The following SLIT3 variants were observed in gnomAD, a reference collection of about 807,000 sequenced individuals.
SLIT3 encodes the protein slit guidance ligand 3.
Under a neutral mutation model 184.0 loss-of-function variants are expected in SLIT3, and 68 were observed. The observed-to-expected ratio is 0.37, with a 90% CI of 0.30 to 0.45. The LOEUF is 0.45. Ranked by LOEUF, SLIT3 falls within the 20% of genes least tolerant of loss-of-function variation. The pLI is 1.00. For synonymous variants in SLIT3, 831 were observed against 828.6 expected (o/e 1.00, Z -0.05); for missense variants, 1,707 against 2,026.0 (o/e 0.84, Z 3.02).
chr5:169,286,241 A>G (rs1767146219), intron 1 of SLIT3, among the ~76,000 whole-genome samples: 1 of 152,116 alleles, frequency 6.6e-6, no homozygotes, highest in East Asian at 1.9e-4. Flanking sequence ...AAGCAAAATT[A>G]TGTCTCTGAA....
chr5:169,012,832 C>T (rs1030280572), intron 4 of SLIT3: 2 of 152,214 alleles, frequency 1.3e-5, no homozygotes, highest in African/African-American at 4.8e-5. Context: ...ATGGACTCTT[C>T]AGTCAGACCT....
chr5:169,290,191 G>A (rs140868355), intron 1 of SLIT3, among the ~76,000 whole-genome samples: 19 of 147,198 alleles, frequency 1.3e-4, no homozygotes, highest in African/African-American at 4.8e-4. Context: ...GCTAGGGTGT[G>A]CACTAGGACA....
At chr5:168,839,278 C>A (rs886880937) in intron 6 of SLIT3, among the ~76,000 whole-genome samples, 1 of 152,060 alleles carries the variant, frequency 6.6e-6, no homozygotes, top group Non-Finnish European at 1.5e-5. Flanking sequence ...TTTACTGTAC[C>A]CAGCGCCCAG....
intron 4 of SLIT3, among the ~76,000 whole-genome samples, chr5:168,999,028 C>G (rs1039598594): frequency 1.3e-5 from 2 of 152,050 alleles, no homozygotes; most frequent in African/African-American, 4.8e-5. Context: ...ATTATCCCAC[C>G]TCAGCCTCCC....
At chr5:169,292,884 G>A (rs1265500052) in intron 1 of SLIT3, among the ~76,000 whole-genome samples, 1 of 152,242 alleles carries the variant, frequency 6.6e-6, no homozygotes, top group Non-Finnish European at 1.5e-5. Context: ...GGGAGATATG[G>A]GGATGTCAGG....
chr5:169,075,891 G>T (rs986071859), intron 4 of SLIT3, among the ~76,000 whole-genome samples: 2 of 152,186 alleles, frequency 1.3e-5, no homozygotes, highest in Non-Finnish European at 2.9e-5. Flanking sequence ...TACCAACCTA[G>T]TTTGTCTCTG....
intron 4 of SLIT3, among the ~76,000 whole-genome samples, chr5:169,161,422 G>C (rs563997448): frequency 2.6e-4 from 40 of 152,232 alleles, no homozygotes; most frequent in African/African-American, 9.6e-4. Flanking sequence ...CTAGACTCCT[G>C]AGGCCCTCCA....
intron 5 of SLIT3, among the ~76,000 whole-genome samples, chr5:168,873,894 C>T (rs987136714): frequency 4.6e-5 from 7 of 152,140 alleles, no homozygotes; most frequent in East Asian, 1.9e-4. Flanking sequence ...AGAACATCAA[C>T]GAATACCAGA....
At chr5:168,687,548 T>G (rs1050110671) in intron 29 of SLIT3, among the ~76,000 whole-genome samples, 44 of 152,314 alleles carry the variant, frequency 2.9e-4, no homozygotes, top group Middle Eastern at 3.4e-3. Context: ...CTGCAGGCAC[T>G]TCCCTGAGGA....
In SLIT3 at chr5:168,742,410, G is replaced by A. The variant is rs2569022; in HGVS notation, c.2270+5892C>T. Among the ~76,000 whole-genome samples, 575 of 146,050 alleles carry A rather than the reference G, an allele frequency of 3.9e-3. 3 individuals carry two copies. The highest frequency in any genetic ancestry group is 5.8e-3 in the Non-Finnish European group (390 of 66,978). On this transcript the variant is annotated intron_variant, in intron 20 of 35. Transcript: ENST00000519560. The stretch of plus-strand genomic sequence containing the variant: ...CCTCTGATGGGAATTGAGGAGTGGG[G>A]TGAAATGGAAGATGCAGAGAGAAAG...
intron 4 of SLIT3, among the ~76,000 whole-genome samples, chr5:168,941,957 A>C (rs1762347125): frequency 6.6e-6 from 1 of 152,222 alleles, no homozygotes; most frequent in Non-Finnish European, 1.5e-5. Flanking sequence ...CATAGCAAGC[A>C]GCCAATTGAG....
At chr5:169,089,106 A>C (rs1021370028) in intron 4 of SLIT3, among the ~76,000 whole-genome samples, 1 of 145,262 alleles carries the variant, frequency 6.9e-6, no homozygotes, top group Non-Finnish European at 1.5e-5. Flanking sequence ...TCTGTGTTTC[A>C]TACCGATGTG....
At chr5:169,002,329 A>AT in intron 4 of SLIT3, among the ~76,000 whole-genome samples, 6 of 125,310 alleles carry the variant, frequency 4.8e-5, no homozygotes, top group African/African-American at 1.8e-4. Context: ...TCTCAAAAAA[A>AT]AAAAAAAAAA....
At chr5:169,086,179 G>T (rs296009) in intron 4 of SLIT3, among the ~76,000 whole-genome samples, 19,255 of 152,234 alleles carry the variant, frequency 0.13, 1,769 homozygotes, top group African/African-American at 0.26. Flanking sequence ...TAAGAGCGTA[G>T]AGGGTTACAT....
chr5:168,694,429 GTCTC>G (rs770239704), intron 28 of SLIT3, among the ~76,000 whole-genome samples: 2 of 152,254 alleles, frequency 1.3e-5, no homozygotes, highest in African/African-American at 4.8e-5. Context: ...AGATTTCTTG[GTCTC>G]TCTAAGTGGC....
rs945006798 is a variant in SLIT3 at position 169,188,722 on chromosome 5, G to A, written c.413+4757C>T. Reference sequence around the variant, plus strand: ...CCATCTTCCATGGAGCATTTACTACGTGCTTTGTTCAATGCCAATTATTTT... The same window carrying A: ...CCATCTTCCATGGAGCATTTACTACATGCTTTGTTCAATGCCAATTATTTT... On this transcript the variant is annotated intron_variant, in intron 4 of 35. Transcript: ENST00000519560. Among the ~76,000 whole-genome samples the A allele has an allele frequency of 2.6e-5, 4 of 152,146 alleles. No individual in the cohort carries two copies. In the East Asian group the frequency reaches 5.8e-4, roughly 22 times the overall value.
chr5:168,991,217 T>C (rs997059021), intron 4 of SLIT3, among the ~76,000 whole-genome samples: 4 of 152,200 alleles, frequency 2.6e-5, no homozygotes, highest in Non-Finnish European at 5.9e-5. Context: ...CTGGGGGGTT[T>C]CATAAAGATT....
intron 4 of SLIT3, among the ~76,000 whole-genome samples, chr5:168,928,591 G>A (rs1456738226): frequency 6.6e-6 from 1 of 152,150 alleles, no homozygotes; most frequent in East Asian, 1.9e-4. Context: ...CTGCCTCTTT[G>A]TGTATGTGCA....
intron 3 of SLIT3, among the ~76,000 whole-genome samples, chr5:169,218,508 C>A (rs192165677): frequency 5.6e-4 from 86 of 152,338 alleles, no homozygotes; most frequent in African/African-American, 2.0e-3. Flanking sequence ...CAATCACAAC[C>A]ACATCTCCAG....
Sources: allele counts gnomAD v4.1 joint callset (sites outside exome capture counted in the v4.1 genomes callset), GRCh38; gene constraint gnomAD v4.1.1; transcripts MANE v1.5; gene names NCBI Gene and HGNC (gene_info 2026-07-23, HGNC 2026-07-21).